CLVS1: variants seen among roughly 807,000 people sequenced by gnomAD.
CLVS1 encodes clavesin 1.
In CLVS1, 10 loss-of-function variants were observed where a neutral mutation model predicts 33.1. The observed-to-expected ratio is 0.30, with a 90% confidence interval of 0.19 to 0.51. The LOEUF is 0.51. CLVS1 is among the 20% of genes least tolerant of loss of function. CLVS1 has a pLI of 0.97. For missense variants in CLVS1, 343 were observed against 433.4 expected (o/e 0.79, Z 1.85); for synonymous variants, 163 against 166.1 (o/e 0.98, Z 0.14).
chr8:61,018,704 A>T, the CLVS1 span, among the ~76,000 whole-genome samples: 2 of 152,164 alleles, frequency 1.3e-5, no homozygotes, highest in Non-Finnish European at 2.9e-5. Flanking sequence ...GCTATGGAGG[A>T]TCATCTTTGA....
intron 1 of CLVS1, among the ~76,000 whole-genome samples, chr8:61,065,272 A>G (rs890244461): frequency 5.3e-5 from 8 of 152,238 alleles, no homozygotes; most frequent in African/African-American, 1.7e-4. Context: ...TAGTTGTTAT[A>G]TTGTATTTTC....
chr8:61,286,580 C>T (rs924121709), upstream of CLVS1, among the ~76,000 whole-genome samples: 2 of 152,202 alleles, frequency 1.3e-5, no homozygotes, highest in South Asian at 4.1e-4. Context: ...GCTTGGGAAG[C>T]AGTAGTGAAC....
At chr8:61,355,628 T>C (rs55848971) in intron 2 of CLVS1, among the ~76,000 whole-genome samples, 7,022 of 152,218 alleles carry the variant, frequency 0.046, 338 homozygotes, top group African/African-American at 0.12. Context: ...TGTGTTCTCA[T>C]TGTTCAATTC....
chr8:61,073,668 T>C (rs34788054), intron 1 of CLVS1, among the ~76,000 whole-genome samples: 5,787 of 152,160 alleles, frequency 0.038, 166 homozygotes, highest in South Asian at 0.15. Flanking sequence ...TTACTAAGCA[T>C]AGAGTTTGCT....
At chr8:61,250,182 C>T (rs1277523357) in intron 2 of CLVS1, among the ~76,000 whole-genome samples, 1 of 152,114 alleles carries the variant, frequency 6.6e-6, no homozygotes, top group Non-Finnish European at 1.5e-5. Flanking sequence ...GGAATCTTTT[C>T]CCCATTGTTT....
the CLVS1 span, among the ~76,000 whole-genome samples, chr8:60,970,696 C>G: frequency 2.0e-5 from 3 of 152,172 alleles, no homozygotes; most frequent in Admixed American, 6.5e-5. Context: ...AATCTCCATT[C>G]CCTCTTGCAG....
At chr8:61,369,142 G>T (rs1365086451) in intron 2 of CLVS1, among the ~76,000 whole-genome samples, 1 of 152,014 alleles carries the variant, frequency 6.6e-6, no homozygotes, top group Non-Finnish European at 1.5e-5. Context: ...CCAGGCTTCT[G>T]TTCTCTTTGT....
intron 2 of CLVS1, among the ~76,000 whole-genome samples, chr8:61,314,909 A>G (rs1810960356): frequency 6.6e-6 from 1 of 152,234 alleles, no homozygotes; most frequent in Admixed American, 6.5e-5. Context: ...TATAGGTGAG[A>G]AACCATGGGG....
At chr8:61,364,718 A>G (rs1302742819) in intron 2 of CLVS1, among the ~76,000 whole-genome samples, 1 of 152,230 alleles carries the variant, frequency 6.6e-6, no homozygotes, top group Admixed American at 6.5e-5. Context: ...TGCTCATTAT[A>G]GGCAACTAAT....
intron 1 of CLVS1, among the ~76,000 whole-genome samples, chr8:61,112,332 A>G (rs1309389071): frequency 6.6e-6 from 1 of 152,228 alleles, no homozygotes; most frequent in East Asian, 1.9e-4. Context: ...TGTACGCTAC[A>G]TTAAATTTGC....
intron 3 of CLVS1, among the ~76,000 whole-genome samples, chr8:61,400,956 G>C (rs1039902162): frequency 4.6e-5 from 7 of 151,780 alleles, no homozygotes; most frequent in Non-Finnish European, 1.0e-4. Context: ...GAGGATTTTT[G>C]CAATGATATT....
intron 2 of CLVS1, among the ~76,000 whole-genome samples, chr8:61,229,980 C>T (rs184038259): frequency 6.6e-6 from 1 of 152,270 alleles, no homozygotes; most frequent in African/African-American, 2.4e-5. Context: ...TTGACGTTCA[C>T]ATCAGCTAGG....
chr8:61,495,049 G>C (rs1370264035), intron 5 of CLVS1, among the ~76,000 whole-genome samples: 4 of 152,134 alleles, frequency 2.6e-5, no homozygotes, highest in African/African-American at 9.7e-5. Flanking sequence ...AGAGTTAAGA[G>C]AGCCTGCATT....
chr8:61,483,101 C>A (rs954254805), intron 5 of CLVS1, among the ~76,000 whole-genome samples: 6 of 152,262 alleles, frequency 3.9e-5, no homozygotes, highest in African/African-American at 1.2e-4. Flanking sequence ...CAGAGCAGAA[C>A]TGAAGGCGAT....
chr8:61,123,909 G>T (rs762137987), intron 1 of CLVS1, among the ~76,000 whole-genome samples: 2 of 152,194 alleles, frequency 1.3e-5, no homozygotes, highest in Non-Finnish European at 2.9e-5. Context: ...GGATGCTATT[G>T]CTTCTTTCCT....
intron 3 of CLVS1, among the ~76,000 whole-genome samples, chr8:61,410,604 C>G (rs1313048136): frequency 6.6e-6 from 1 of 152,110 alleles, no homozygotes; most frequent in African/African-American, 2.4e-5. Flanking sequence ...CCACTCTCCA[C>G]TCCATCAGAT....
chr8:61,003,614 A>C, the CLVS1 span, among the ~76,000 whole-genome samples: 3 of 152,192 alleles, frequency 2.0e-5, no homozygotes. Context: ...AGAATCCTGA[A>C]CTGGTCCGTC....
chr8:60,972,823 G>T, the CLVS1 span, among the ~76,000 whole-genome samples: 15 of 152,184 alleles, frequency 9.9e-5, no homozygotes, highest in African/African-American at 3.4e-4. Flanking sequence ...AATTCAGGGA[G>T]GCAGATTTGA....
At chr8:61,123,059 C>T (rs1585627075) in intron 1 of CLVS1, among the ~76,000 whole-genome samples, 1 of 143,286 alleles carries the variant, frequency 7.0e-6, no homozygotes, top group African/African-American at 2.5e-5. Flanking sequence ...CACCTGAGGT[C>T]GGGAGTTCAA....
Sources: gnomAD v4.1 joint callset for allele counts (sites outside exome capture counted in the v4.1 genomes callset) on GRCh38, gnomAD v4.1.1 for gene constraint, MANE v1.5 for transcripts, NCBI Gene and HGNC (gene_info 2026-07-23, HGNC 2026-07-21) for gene names.